The following TTC34 variants were observed in gnomAD, a reference collection of about 807,000 sequenced individuals.
TTC34 encodes the protein tetratricopeptide repeat domain 34, also known as tetratricopeptide repeat protein 34.
TTC34 carries 44 observed loss-of-function variants against 40.7 expected under a neutral mutation model. That is an observed-to-expected ratio of 1.08 (90% CI 0.85 to 1.39). The LOEUF is 1.39. TTC34 is among the 40% of genes most tolerant of loss of function. TTC34 has a pLI of 0.00. For synonymous variants in TTC34, 422 were observed against 398.6 expected (o/e 1.06, Z -0.70); for missense variants, 884 against 838.0 (o/e 1.05, Z -0.68).
chr1:2,641,921 A>G, intron 8 of TTC34, 26 bp from the exon 9 acceptor site: 7 of 1,446,570 alleles, frequency 4.8e-6, no homozygotes, highest in Non-Finnish European at 5.4e-6. Context: ...AGAGAGAGGC[A>G]GGGAGAGTGG....
chr1:2,790,010 C>A, exon 3 of TTC34: 1 of 394,956 alleles, frequency 2.5e-6, no homozygotes, highest in African/African-American at 2.1e-5. Context: ...GAGGCGGGCT[C>A]CCAGCGCGGG....
intron 5 of TTC34, among the ~76,000 whole-genome samples, chr1:2,784,120 T>G (rs927085058): frequency 4.6e-5 from 7 of 151,994 alleles, no homozygotes; most frequent in Admixed American, 4.6e-4. Context: ...GCACTGATAT[T>G]TACTGCATAC....
At chr1:2,750,330 G>T (rs1370712629) in intron 6 of TTC34, among the ~76,000 whole-genome samples, 1 of 96,240 alleles carries the variant, frequency 1.0e-5, no homozygotes, top group Non-Finnish European at 1.9e-5. Flanking sequence ...CCATGCCCAG[G>T]TGAGCCTCTG....
intron 6 of TTC34, among the ~76,000 whole-genome samples, chr1:2,781,687 G>A (rs1358636300): frequency 2.6e-5 from 4 of 152,164 alleles, no homozygotes; most frequent in Non-Finnish European, 4.4e-5. Context: ...TATTGAGGCA[G>A]TTTCCTTCTA....
At chr1:2,698,546 C>T (rs1241308358) in intron 6 of TTC34, among the ~76,000 whole-genome samples, 1 of 110,248 alleles carries the variant, frequency 9.1e-6, no homozygotes, top group Non-Finnish European at 2.0e-5. Context: ...GAGCATCGGG[C>T]AGCCTGGAGC....
chr1:2,671,571 GC>G (rs1639701588), intron 6 of TTC34, among the ~76,000 whole-genome samples: 1 of 145,502 alleles, frequency 6.9e-6, no homozygotes, highest in South Asian at 2.2e-4. Flanking sequence ...GCATCCGACA[GC>G]CTGGAGCAGC....
chr1:2,750,156 A>T (rs1253470966), intron 6 of TTC34, among the ~76,000 whole-genome samples: 2,399 of 112,390 alleles, frequency 0.021, 1 homozygote, highest in East Asian at 0.035. Flanking sequence ...GTGGAGCAGA[A>T]CAAACACCCC....
chr1:2,652,358 A>AT (rs1201768123), intron 6 of TTC34, among the ~76,000 whole-genome samples: 1 of 151,604 alleles, frequency 6.6e-6, no homozygotes, highest in African/African-American at 2.4e-5. Flanking sequence ...CTGGAACAGC[A>AT]CGCACACCCC....
chr1:2,684,447 G>C (rs1227743487), intron 6 of TTC34, among the ~76,000 whole-genome samples: 1 of 128,020 alleles, frequency 7.8e-6, no homozygotes, highest in African/African-American at 3.1e-5. Context: ...CCCCAGGTGA[G>C]CATCTGACGG....
At chr1:2,754,822 C>T (rs1291321858) in intron 6 of TTC34, among the ~76,000 whole-genome samples, 1,099 of 130,110 alleles carry the variant, frequency 8.4e-3, no homozygotes, top group African/African-American at 0.015. Context: ...ACCACACCCC[C>T]AGGTGAGCAT....
Position 2,650,839 on chromosome 1 carries a change from C to T in TTC34, c.2227-5276G>A, listed in dbSNP as rs78513115. ...ACAGCACTTGACACCCCCAGGTGAG[C>T]CTCTGACAGCCTGAAACCAGACCCA... On this transcript the variant is annotated intron_variant, in intron 6 of 8. Transcript: ENST00000401095. Among the ~76,000 whole-genome samples the T allele has an allele frequency of 3.2e-3, 481 of 148,424 alleles. 1 individual carries two copies. Among genetic ancestry groups the T allele is most frequent in the African/African-American group, 0.011 (454 of 39,962 alleles).
chr1:2,683,218 T>A (rs76497889), intron 6 of TTC34, among the ~76,000 whole-genome samples: 21 of 95,784 alleles, frequency 2.2e-4, no homozygotes, highest in Middle Eastern at 0.011. Context: ...AGAGCCTGGG[T>A]CGGCACCCAC....
chr1:2,682,074 T>G (rs1183251612), intron 6 of TTC34, among the ~76,000 whole-genome samples: 4 of 84,524 alleles, frequency 4.7e-5, no homozygotes, highest in East Asian at 3.8e-4. Flanking sequence ...CACCCACAGG[T>G]GAGCATCTGA....
Position 2,761,302 on chromosome 1 carries a change from C to G in TTC34, c.2226+22307G>C, listed in dbSNP as rs1277672125. The stretch of plus-strand genomic sequence containing the variant: ...CCCACTCCCGCAGGTGAGCATCCGA[C>G]AGCCTGGAGCAGCACCCACAACCCC... On this transcript the variant is annotated intron_variant, in intron 6 of 8. Coordinates refer to ENST00000401095, the Ensembl canonical transcript of TTC34. 7.7e-5 allele frequency among the ~76,000 whole-genome samples: 6 copies of G among 78,406 alleles called. 1 individual carries two copies. The Middle Eastern group carries it at 0.02, about 267-fold the overall frequency. The allele number at this position is 78,406 out of a possible 152,430, so 51.4% of individuals were successfully genotyped here.
chr1:2,640,606 T>C (rs1264014585), exon 9 of TTC34: 1 of 152,072 alleles, frequency 6.6e-6, no homozygotes, highest in Non-Finnish European at 1.5e-5. Context: ...GCTTGGGGTA[T>C]GGGCTGGCTG....
At chr1:2,683,330 A>C (rs1214376595) in intron 6 of TTC34, among the ~76,000 whole-genome samples, 2 of 149,162 alleles carry the variant, frequency 1.3e-5, no homozygotes, top group Admixed American at 6.7e-5. Flanking sequence ...AGCATCTGAC[A>C]GACTGGAACA....
intron 6 of TTC34, among the ~76,000 whole-genome samples, chr1:2,750,640 C>T (rs1641287005): frequency 6.6e-6 from 1 of 151,036 alleles, no homozygotes; most frequent in Non-Finnish European, 1.5e-5. Flanking sequence ...GGAGCAGCAC[C>T]CACACCCCCA....
intron 6 of TTC34, among the ~76,000 whole-genome samples, chr1:2,656,367 C>G (rs1231919416): frequency 8.2e-5 from 8 of 98,076 alleles, no homozygotes; most frequent in Non-Finnish European, 1.2e-4. Flanking sequence ...CCTGGAACAG[C>G]ACCCACACCC....
At chr1:2,787,824 G>A (rs1391092476) in intron 3 of TTC34, 118 bp from the exon 4 acceptor site, 1 of 833,186 alleles carries the variant, frequency 1.2e-6, no homozygotes. Context: ...GCTCCCTCCG[G>A]AGGGACCCTC....
Sources: allele counts gnomAD v4.1 joint callset (sites outside exome capture counted in the v4.1 genomes callset), GRCh38; gene constraint gnomAD v4.1.1; transcripts MANE v1.5; gene names NCBI Gene and HGNC (gene_info 2026-07-23, HGNC 2026-07-21).